The following CCDC169 variants were observed in gnomAD, a reference collection of about 807,000 sequenced individuals.
CCDC169 encodes coiled-coil domain-containing protein 169.
In CCDC169, 30 loss-of-function variants were observed where a neutral mutation model predicts 36.0. The observed-to-expected ratio is 0.83, with a 90% CI of 0.62 to 1.13. The LOEUF (loss-of-function observed/expected upper bound fraction) is 1.13. Among genes scored for constraint, CCDC169 ranks in the 50% most tolerant of loss-of-function variants. The probability of loss-of-function intolerance (pLI) is 0.00; values close to 1 mark genes in which losing one functional copy is unlikely to be tolerated. For missense variants in CCDC169, 245 were observed against 245.9 expected (o/e 1.00, Z 0.03); for synonymous variants, 85 against 81.5 (o/e 1.04, Z -0.23).
At chr13:36,239,597 A>G (rs900255513) in intron 7 of CCDC169, among the ~76,000 whole-genome samples, 2 of 152,204 alleles carry the variant, frequency 1.3e-5, no homozygotes, top group African/African-American at 4.8e-5. Flanking sequence ...GATAATAGTT[A>G]GTGTTTGTTG....
chr13:36,235,784 G>A (rs1326582287), intron 7 of CCDC169, among the ~76,000 whole-genome samples: 2 of 151,868 alleles, frequency 1.3e-5, no homozygotes, highest in East Asian at 3.9e-4. Context: ...GCATTTATGA[G>A]ATCTAATAAG....
chr13:36,260,073 T>G (rs1176435111), intron 4 of CCDC169, among the ~76,000 whole-genome samples: 1 of 152,238 alleles, frequency 6.6e-6, no homozygotes, highest in African/African-American at 2.4e-5. Context: ...GATTATTTCA[T>G]TTAATCCTTA....
downstream of CCDC169, among the ~76,000 whole-genome samples, chr13:36,229,538 A>ATT (rs1227370434): frequency 6.7e-5 from 5 of 74,238 alleles, no homozygotes; most frequent in African/African-American, 1.2e-4. Context: ...TATTATAATA[A>ATT]TGTTTTTTTT....
In CCDC169 at chr13:36,250,670, T is replaced by C. The variant is rs190025468; in HGVS notation, c.469-1988A>G. Among the ~76,000 whole-genome samples the C allele has an allele frequency of 2.3e-3, 350 of 152,314 alleles. 2 individuals are homozygous for C. Among genetic ancestry groups the C allele is most frequent in the Non-Finnish European group, 3.9e-3 (268 of 68,020 alleles). ...ATGAGGAATGGCTAATGTAACTTAA[T>C]ATTTTAGCTTAGAAAACAAAACAAA... On this transcript the variant is annotated intron_variant, in intron 6 of 7. Transcript: ENST00000239859.
At chr13:36,254,272 G>GT in intron 4 of CCDC169, 129 bp from the exon 5 acceptor site, 1 of 355,536 alleles carries the variant, frequency 2.8e-6, no homozygotes, top group Non-Finnish European at 4.6e-6. Context: ...TCTATGATAT[G>GT]TACTTTTTTT....
chr13:36,224,811 A>G (rs1869777808), downstream of CCDC169: 1 of 152,240 alleles, frequency 6.6e-6, no homozygotes, highest in African/African-American at 2.4e-5. Context: ...ATGTGGAAGT[A>G]AAAAGGAGCC....
In CCDC169 at chr13:36,257,773, C is replaced by A. The variant is rs11841200; in HGVS notation, c.316-3630G>T. ...CTCCTTGTAAAAGGGACTATGTTTT[C>A]TTCATCTCCATATCCCCAGTAGCTA... is the stretch of plus-strand genomic sequence containing the variant. On this transcript the variant is annotated intron_variant, in intron 4 of 7. Coordinates refer to ENST00000239859, the MANE Select transcript of CCDC169 (RefSeq NM_001144981.3). Among the ~76,000 whole-genome samples, 207 of 151,656 alleles carry A rather than the reference C, an allele frequency of 1.4e-3. 1 individual carries two copies. Among genetic ancestry groups the A allele is most frequent in the African/African-American group, 4.7e-3 (193 of 41,172 alleles).
chr13:36,270,039 A>G lies in CCDC169; in HGVS notation c.315+13430T>C, dbSNP rs183291632. On this transcript the variant is annotated intron_variant, in intron 4 of 7. Coordinates refer to ENST00000239859, the MANE Select transcript of CCDC169 (RefSeq NM_001144981.3). ...CTAGAAAATCCTAAAGACTCCTCCCAAAAGACTCCTAGATTTGATAAACAA... is the reference window on the plus strand; with the variant it reads ...CTAGAAAATCCTAAAGACTCCTCCCGAAAGACTCCTAGATTTGATAAACAA... Among the ~76,000 whole-genome samples the G allele has an allele frequency of 3.3e-5, 5 of 152,334 alleles. No individual in the cohort carries two copies. The East Asian group carries it at 9.7e-4, about 29-fold the overall frequency.
chr13:36,259,395 T>C (rs1874330073), intron 4 of CCDC169, among the ~76,000 whole-genome samples: 2 of 152,170 alleles, frequency 1.3e-5, no homozygotes, highest in Non-Finnish European at 2.9e-5. Context: ...AACAAAGACT[T>C]GAACAAAATG....
intron 2 of CCDC169, among the ~76,000 whole-genome samples, chr13:36,288,031 T>C (rs1207668437): frequency 6.6e-6 from 1 of 151,942 alleles, no homozygotes; most frequent in African/African-American, 2.4e-5. Context: ...TTTTTTGAGA[T>C]GGAGTCTCGC....
At chr13:36,259,906 G>A (rs565771780) in intron 4 of CCDC169, among the ~76,000 whole-genome samples, 48 of 152,326 alleles carry the variant, frequency 3.2e-4, no homozygotes, top group Non-Finnish European at 4.1e-4. Flanking sequence ...GGGACTGGGC[G>A]CAGGGAGGGG....
intron 7 of CCDC169, among the ~76,000 whole-genome samples, chr13:36,232,786 C>G (rs1846764974): frequency 6.6e-6 from 1 of 151,842 alleles, no homozygotes; most frequent in Non-Finnish European, 1.5e-5. Flanking sequence ...ATAATCTCAG[C>G]TAGTTGGGAG....
At chr13:36,282,466 C>T (rs1045558113) in intron 4 of CCDC169, 1 of 985,232 alleles carries the variant, frequency 1.0e-6, no homozygotes, top group African/African-American at 1.7e-5. Flanking sequence ...GATTTCTAAT[C>T]TCTGCTGCTC....
intron 6 of CCDC169, among the ~76,000 whole-genome samples, chr13:36,251,921 C>A (rs576939417): frequency 6.6e-6 from 1 of 152,176 alleles, no homozygotes; most frequent in African/African-American, 2.4e-5. Context: ...AAACTTCAAC[C>A]AGCACTTCGC....
intron 7 of CCDC169, among the ~76,000 whole-genome samples, chr13:36,235,604 C>T (rs929357951): frequency 1.3e-5 from 2 of 151,380 alleles, no homozygotes; most frequent in African/African-American, 2.4e-5. Context: ...TTCTATTCAA[C>T]ATTGTATAGG....
intron 4 of CCDC169, among the ~76,000 whole-genome samples, chr13:36,278,674 T>C (rs972692618): frequency 3.9e-5 from 6 of 152,102 alleles, no homozygotes; most frequent in African/African-American, 1.4e-4. Context: ...ATTCCCTAAA[T>C]TGCCTCCTAA....
intron 6 of CCDC169, among the ~76,000 whole-genome samples, chr13:36,249,435 C>T (rs1055537053): frequency 7.2e-5 from 11 of 152,114 alleles, no homozygotes; most frequent in African/African-American, 1.7e-4. Context: ...ACAGATGCTT[C>T]GCCAAATTTG....
At chr13:36,292,701 G>A (rs1327318659) in intron 2 of CCDC169, among the ~76,000 whole-genome samples, 2 of 152,166 alleles carry the variant, frequency 1.3e-5, no homozygotes, top group African/African-American at 4.8e-5. Flanking sequence ...CAGGGACAGG[G>A]GATGCTAGCT....
At chr13:36,252,704 A>G (rs1873322022) in intron 6 of CCDC169, among the ~76,000 whole-genome samples, 2 of 152,122 alleles carry the variant, frequency 1.3e-5, no homozygotes, top group Admixed American at 6.5e-5. Context: ...TTCACTTTTT[A>G]TATAATAATT....
Sources: gnomAD v4.1 joint callset for allele counts (sites outside exome capture counted in the v4.1 genomes callset) on GRCh38, gnomAD v4.1.1 for gene constraint, MANE v1.5 for transcripts, NCBI Gene and HGNC (gene_info 2026-07-23, HGNC 2026-07-21) for gene names.